The following OTUD4 variants were observed in gnomAD, a reference collection of about 807,000 sequenced individuals.
OTUD4 encodes OTU deubiquitinase 4.
In OTUD4, 24 loss-of-function variants were observed where a neutral mutation model predicts 130.4. The ratio of observed to expected loss-of-function variants is 0.18; its 90% CI spans 0.13 to 0.26. The LOEUF is 0.26. Among genes scored for constraint, OTUD4 ranks in the 10% least tolerant of loss-of-function variants. The probability of loss-of-function intolerance (pLI) is 1.00; values close to 1 mark genes in which losing one functional copy is unlikely to be tolerated. For missense variants in OTUD4, 1,031 were observed against 1,329.4 expected (o/e 0.78, Z 3.49); for synonymous variants, 420 against 472.5 (o/e 0.89, Z 1.44).
Position 145,164,202 on chromosome 4 carries a change from T to C in OTUD4, c.366A>G (p.Glu122=). The C allele has an allele frequency of 7.1e-7, 1 of 1,415,410 alleles. No individual in the cohort carries two copies. Among genetic ancestry groups the C allele is most frequent in the Non-Finnish European group, 9.8e-7 (1 of 1,021,426 alleles). 87.7% of individuals were successfully genotyped at this position (1,415,410 alleles called of 1,614,324 possible). ...MYRKDFIIYR[E]PNVSPSQVTE... ...TTACTTGTGAAGGAGAAACATTTGG[T>C]TCCCGATAAATTATAAAATCTTTCC... Residue 122 remains glutamate, a synonymous_variant, in exon 5 of 21, where the codon GAA becomes GAG. Coordinates refer to ENST00000447906, the MANE Select transcript of OTUD4 (RefSeq NM_001366057.1).
chr4:145,143,009 G>C (rs1750639300), intron 17 of OTUD4, among the ~76,000 whole-genome samples: 1 of 151,976 alleles, frequency 6.6e-6, no homozygotes, highest in Admixed American at 6.6e-5. Flanking sequence ...TTTAAATTTT[G>C]AAATAAAGTA....
At chr4:145,160,724 A>T (rs1430775294) in intron 6 of OTUD4, among the ~76,000 whole-genome samples, 1 of 152,162 alleles carries the variant, frequency 6.6e-6, no homozygotes, top group Non-Finnish European at 1.5e-5. Flanking sequence ...GAGGCAGCAG[A>T]ATCGCTTGAA....
rs1476646973 is a variant in OTUD4, at chr4:145,133,766, T to C, written c.*3664A>G. Reference sequence around the variant, plus strand: ...ATATGTTTGAAACACTTCTTAAGGCTACAAAACAGAACATAGAAAAATAAA... The same window carrying C: ...ATATGTTTGAAACACTTCTTAAGGCCACAAAACAGAACATAGAAAAATAAA... On this transcript the variant is annotated 3_prime_UTR_variant, in exon 21 of 21. Coordinates refer to ENST00000447906, the MANE Select transcript of OTUD4 (RefSeq NM_001366057.1). 1 of 152,610 alleles carries C rather than the reference T, an allele frequency of 6.6e-6. No homozygotes were observed. Among genetic ancestry groups the C allele is most frequent in the Non-Finnish European group, 1.5e-5 (1 of 68,026 alleles). 9.5% of individuals were successfully genotyped at this position (152,610 alleles called of 1,614,324 possible).
rs1308406904 is a variant in OTUD4 at position 145,135,998 on chromosome 4, C to T, written c.*1432G>A. ...TTACAAAAAAAGAAAGTCACCGCAT[C>T]TGGTTTTGGCTAGGTATATTACACA... On this transcript the variant is annotated 3_prime_UTR_variant, in exon 21 of 21. Transcript: ENST00000447906. 2 of 152,612 alleles carry T rather than the reference C, an allele frequency of 1.3e-5. No homozygotes were observed. The highest frequency in any genetic ancestry group is 4.8e-5 in the African/African-American group (2 of 41,438). The allele number at this position is 152,612 out of a possible 1,614,324, so 9.5% of individuals were successfully genotyped here. A position where few individuals can be genotyped will look rare whatever the true frequency, so the allele number is the denominator to read the frequency against.
chr4:145,144,230 G>T, intron 15 of OTUD4, 81 bp downstream of exon 15: 1 of 1,457,540 alleles, frequency 6.9e-7, no homozygotes, highest in Non-Finnish European at 9.3e-7. Flanking sequence ...CTTAAAAAGG[G>T]TTCTTTCCCA....
rs1444331807 is a variant in OTUD4 at position 145,135,576 on chromosome 4, A to G, written c.*1854T>C. Reference sequence around the variant, plus strand: ...CCTTAACTGAGCCACCGATGTTAAGAAAAAAATGGCTTAAGCGGTACCTTC... The same window carrying G: ...CCTTAACTGAGCCACCGATGTTAAGGAAAAAATGGCTTAAGCGGTACCTTC... On this transcript the variant is annotated 3_prime_UTR_variant, in exon 21 of 21. Coordinates refer to ENST00000447906, the MANE Select transcript of OTUD4 (RefSeq NM_001366057.1). 2.0e-5 allele frequency: 3 copies of G among 152,586 alleles called. No individual in the cohort carries two copies. In the East Asian group the frequency reaches 5.8e-4, roughly 29 times the overall value. The allele number at this position is 152,586 out of a possible 1,614,324, so 9.5% of individuals were successfully genotyped here. A position where few individuals can be genotyped will look rare whatever the true frequency, so the allele number is the denominator to read the frequency against.
Position 145,155,425 on chromosome 4 carries a change from C to T in OTUD4, c.859G>A (p.Gly287Arg), listed in dbSNP as rs769825185. The part of the protein sequence containing the change: ...SIAAGLQYEV[G>R]DKCQVRLDHN... ...AAGTCACTTACTTGACATTTGTCTC[C>T]AACTTCATATTGTAAGCCAGCAGCA... is the stretch of plus-strand genomic sequence containing the variant. Residue 287 changes from glycine to arginine, a missense_variant, in exon 10 of 21, where the codon GGA becomes AGA. By Grantham distance (125) the Gly-to-Arg change is moderately radical. Around this residue, in one of 3 missense-constraint regions of OTUD4, gnomAD observed 900 missense variants for 1,095.9 expected, o/e 0.82. Transcript: ENST00000447906. The T allele has an allele frequency of 4.8e-5, 77 of 1,609,606 alleles. No individual in the cohort carries two copies. The highest frequency in any genetic ancestry group is 3.3e-4 in the Middle Eastern group (2 of 6,070).
At position 145,154,726 on chromosome 4, in the gene OTUD4, C is replaced by A. The variant is rs1258631053; in HGVS notation, c.873+685G>T. ...AGGGAGATGAGGGAGGCTGTCCTGT[C>A]CATTGTAGAATGTTTGGCCACAGCT... On this transcript the variant is annotated intron_variant, in intron 10 of 20. Coordinates refer to ENST00000447906, the MANE Select transcript of OTUD4 (RefSeq NM_001366057.1). 2.0e-5 allele frequency among the ~76,000 whole-genome samples: 3 copies of A among 151,950 alleles called. No homozygotes were observed. The East Asian group carries it at 5.8e-4, about 29-fold the overall frequency.
Position 145,152,526 on chromosome 4 carries a change from A to T in OTUD4, c.968+15T>A, listed in dbSNP as rs1360929749. ...GAGGAGGCAGTAAATGCCTTAGCTG[A>T]AGAGTAGTACATACTTCTTTCCCAG... On this transcript the variant is annotated intron_variant, in intron 11 of 20. Transcript: ENST00000447906. The T allele has an allele frequency of 7.0e-7, 1 of 1,422,536 alleles. No individual in the cohort carries two copies. The highest frequency in any genetic ancestry group is 2.3e-5 in the East Asian group (1 of 43,914). 88.1% of individuals were successfully genotyped at this position (1,422,536 alleles called of 1,614,324 possible).
At chr4:145,154,090 T>C (rs1051292646) in intron 10 of OTUD4, among the ~76,000 whole-genome samples, 1 of 152,246 alleles carries the variant, frequency 6.6e-6, no homozygotes, top group Non-Finnish European at 1.5e-5. Context: ...AAAGGAAATA[T>C]GCTTGACTTA....
At chr4:145,163,630 AG>A (rs1371090553) in intron 5 of OTUD4, among the ~76,000 whole-genome samples, 1 of 151,980 alleles carries the variant, frequency 6.6e-6, no homozygotes, top group Non-Finnish European at 1.5e-5. Flanking sequence ...ATGTTATAAA[AG>A]GGTTAAATAC....
chr4:145,177,124 T>C lies in OTUD4; in HGVS notation c.160-2380A>G, dbSNP rs557097939. Among the ~76,000 whole-genome samples the C allele has an allele frequency of 2.6e-5, 4 of 152,354 alleles. No homozygotes were observed. In the South Asian group the frequency reaches 8.3e-4, roughly 32 times the overall value. Reference sequence around the variant, plus strand: ...AACACTTCTTTCACAGAAGCTATGTTAGACACTATCATGAATCAAGGTATT... The same window carrying C: ...AACACTTCTTTCACAGAAGCTATGTCAGACACTATCATGAATCAAGGTATT... On this transcript the variant is annotated intron_variant, in intron 1 of 20. Coordinates refer to ENST00000447906, the MANE Select transcript of OTUD4 (RefSeq NM_001366057.1).
Position 145,144,402 on chromosome 4 carries a change from ACTC to A in OTUD4, c.1452_1454del (p.Gln484_Ser485delinsHis). 1 of 1,611,990 alleles carries A rather than the reference ACTC, an allele frequency of 6.2e-7. No individual in the cohort carries two copies. ...ATTTTCTCTGGACACATGGATTGCT[ACTC>A]TGAGAAGCTGACTGATTGACTGATG... is the stretch of plus-strand genomic sequence containing the variant. On this transcript the variant is annotated inframe_deletion, in exon 15 of 21. Transcript: ENST00000447906.
chr4:145,141,468 A>C lies in OTUD4; in HGVS notation c.1994T>G (p.Leu665Arg). ...TTCATTACAAGGAAACCCAGGATAG[A>C]GTGGGTCTTGATAAAGGCTCAATGT... is the stretch of plus-strand genomic sequence containing the variant. ...PQTLSLYQDP[L>R]YPGFPCNEKG... Residue 665 changes from leucine (L) to arginine (R), a missense_variant, in exon 19 of 21, where the codon CTC becomes CGC. Transcript: ENST00000447906. 1 of 1,612,544 alleles carries C rather than the reference A, an allele frequency of 6.2e-7. No individual in the cohort carries two copies. Among genetic ancestry groups the C allele is most frequent in the South Asian group, 1.1e-5 (1 of 91,018 alleles).
intron 10 of OTUD4, among the ~76,000 whole-genome samples, chr4:145,155,014 T>C (rs1251159862): frequency 2.0e-5 from 3 of 152,220 alleles, no homozygotes; most frequent in African/African-American, 2.4e-5. Context: ...ACAGTAAATA[T>C]TGTGTACGTA....
At chr4:145,138,799 A>G (rs1703505334) in intron 20 of OTUD4, 149 bp from the exon 21 acceptor site, 3 of 658,928 alleles carry the variant, frequency 4.6e-6, no homozygotes, top group South Asian at 2.2e-5. Context: ...AATCACTGTG[A>G]TAACCAACGT....
Position 145,165,029 on chromosome 4 carries a change from T to G in OTUD4, c.341+122A>C, listed in dbSNP as rs1262420394. 1.4e-4 allele frequency: 72 copies of G among 505,032 alleles called. No homozygotes were observed. The East Asian group carries it at 2.3e-3, about 16-fold the overall frequency. 31.3% of individuals were successfully genotyped at this position (505,032 alleles called of 1,614,324 possible). ...TCTAATTGATGCAATTAAAAAAAAC[T>G]TAGAAAAGATACTTCATAACTAAAG... is the stretch of plus-strand genomic sequence containing the variant. On this transcript the variant is annotated intron_variant, in intron 4 of 20. Coordinates refer to ENST00000447906, the MANE Select transcript of OTUD4 (RefSeq NM_001366057.1).
chr4:145,148,524 A>G (rs1195737385), intron 13 of OTUD4, among the ~76,000 whole-genome samples: 2 of 152,116 alleles, frequency 1.3e-5, no homozygotes, highest in Non-Finnish European at 2.9e-5. Flanking sequence ...ACTGTTGATT[A>G]AAAGTATTAC....
In OTUD4 at chr4:145,137,239, C is replaced by T; in HGVS notation, c.*191G>A. On this transcript the variant is annotated 3_prime_UTR_variant, in exon 21 of 21. Transcript: ENST00000447906. The stretch of plus-strand genomic sequence containing the variant: ...ACAGATTCTGAATGAAGAAAACTGG[C>T]AATGCCAGGAATTAACCTGCCCCCT... 1 of 464,736 alleles carries T rather than the reference C, an allele frequency of 2.2e-6. No individual in the cohort carries two copies. The highest frequency in any genetic ancestry group is 3.8e-6 in the Non-Finnish European group (1 of 264,678). The allele number at this position is 464,736 out of a possible 1,614,324, so 28.8% of individuals were successfully genotyped here. A position where few individuals can be genotyped will look rare whatever the true frequency, so the allele number is the denominator to read the frequency against.
Sources: gnomAD v4.1 joint callset for allele counts (sites outside exome capture counted in the v4.1 genomes callset) on GRCh38, gnomAD v4.1.1 for gene constraint, gnomAD v4.1.1 regional missense constraint, MANE v1.5 for transcripts, NCBI Gene and HGNC (gene_info 2026-07-23, HGNC 2026-07-21) for gene names.